NINJ2: variants seen among roughly 807,000 people sequenced by gnomAD.
NINJ2 encodes the protein ninjurin-2.
A neutral mutation model predicts 11.7 loss-of-function variants in NINJ2; 12 were observed. That is an observed-to-expected ratio of 1.02 (90% CI 0.66 to 1.66). The LOEUF (loss-of-function observed/expected upper bound fraction) is 1.66. Among genes scored for constraint, NINJ2 ranks in the 40% most tolerant of loss-of-function variants. The pLI is 0.00. For synonymous variants in NINJ2, 93 were observed against 76.8 expected, an observed-to-expected ratio of 1.21 and a Z score of -1.10; for missense variants, 187 against 181.8, an observed-to-expected ratio of 1.03 and a Z score of -0.16.
At chr12:579,511 A>C (rs941766967) in intron 1 of NINJ2, among the ~76,000 whole-genome samples, 2 of 59,948 alleles carry the variant, frequency 3.3e-5, no homozygotes, top group African/African-American at 1.0e-4. Flanking sequence ...AAAACAAAAC[A>C]AACAAAACAA....
At chr12:595,152 A>C (rs1052629815) in intron 1 of NINJ2, among the ~76,000 whole-genome samples, 1 of 152,046 alleles carries the variant, frequency 6.6e-6, no homozygotes, top group African/African-American at 2.4e-5. Flanking sequence ...AAAAAAAAAG[A>C]ATCTAGACAC....
chr12:658,062 G>C (rs1042703529), intron 1 of NINJ2, among the ~76,000 whole-genome samples: 1 of 136,580 alleles, frequency 7.3e-6, no homozygotes, highest in Non-Finnish European at 1.5e-5. Flanking sequence ...GCAGTGGTGC[G>C]ATCTCAGCTG....
rs538999561 is a variant in NINJ2, at chr12:601,373, C to T, written c.34-35195G>A. Reference sequence around the variant, plus strand: ...CATCCTGGCTAACACAGTGAAACCCCGTCTCTACTAAAAATACAAAAAAAA... The same window carrying T: ...CATCCTGGCTAACACAGTGAAACCCTGTCTCTACTAAAAATACAAAAAAAA... On this transcript the variant is annotated intron_variant, in intron 1 of 3. Transcript: ENST00000305108. Among the ~76,000 whole-genome samples, 343 of 151,394 alleles carry T rather than the reference C, an allele frequency of 2.3e-3. 2 individuals carry two copies. Among genetic ancestry groups the T allele is most frequent in the Non-Finnish European group, 2.7e-3 (186 of 67,858 alleles).
At chr12:568,319 C>A (rs1352152381) in intron 1 of NINJ2, among the ~76,000 whole-genome samples, 1 of 152,194 alleles carries the variant, frequency 6.6e-6, no homozygotes, top group Non-Finnish European at 1.5e-5. Context: ...TTGGACCAAT[C>A]CTCTCCTAGG....
chr12:631,897 C>T (rs566694492), intron 1 of NINJ2, among the ~76,000 whole-genome samples: 14 of 152,268 alleles, frequency 9.2e-5, no homozygotes, highest in African/African-American at 3.4e-4. Context: ...TTCTGCAATG[C>T]TCCTTAGGGG....
Position 594,516 on chromosome 12 carries a change from T to C in NINJ2, c.34-28338A>G, listed in dbSNP as rs180779419. 3.4e-3 allele frequency among the ~76,000 whole-genome samples: 523 copies of C among 152,304 alleles called. 9 individuals are homozygous for C. Among genetic ancestry groups the C allele is most frequent in the Non-Finnish European group, 1.2e-3 (79 of 68,028 alleles). On this transcript the variant is annotated intron_variant, in intron 1 of 3. Coordinates refer to ENST00000305108, the MANE Select transcript of NINJ2 (RefSeq NM_016533.6). ...GAAACCAAAGAACTGGGCCAGGTGC[T>C]GTGGCTCATGACTGTAATTCCAACA...
intron 1 of NINJ2, among the ~76,000 whole-genome samples, chr12:576,070 T>A (rs1231052313): frequency 6.6e-6 from 1 of 152,210 alleles, no homozygotes; most frequent in East Asian, 1.9e-4. Context: ...CAACAGTCTC[T>A]AATCCACGTC....
At chr12:616,325 G>T (rs2120359573) in intron 1 of NINJ2, among the ~76,000 whole-genome samples, 1 of 152,348 alleles carries the variant, frequency 6.6e-6, no homozygotes, top group South Asian at 2.1e-4. Flanking sequence ...GTTGTGTCCT[G>T]TAAGTTACTA....
rs1338980721 is a variant in NINJ2 at position 581,288 on chromosome 12, G to A, written c.34-15110C>T. On this transcript the variant is annotated intron_variant, in intron 1 of 3. Transcript: ENST00000305108. The surrounding 1 kb of genome is among the most constrained non-coding windows in gnomAD (Gnocchi z 4.9). ...GATGAGACAGGCTACAGACAAGGCA[G>A]GGATACTGGTGCATTATCCGGAGGG... is the stretch of plus-strand genomic sequence containing the variant. Among the ~76,000 whole-genome samples the A allele has an allele frequency of 6.6e-6, 1 of 152,168 alleles. No individual in the cohort carries two copies. The highest frequency in any genetic ancestry group is 1.5e-5 in the Non-Finnish European group (1 of 68,030).
intron 1 of NINJ2, chr12:590,532 C>T (rs1947703947): frequency 6.6e-6 from 1 of 152,282 alleles, no homozygotes; most frequent in Admixed American, 6.5e-5. Flanking sequence ...TTTCCAGGAA[C>T]GTGGCTCTTG....
chr12:597,872 G>T (rs753279907), intron 1 of NINJ2, among the ~76,000 whole-genome samples: 1 of 152,248 alleles, frequency 6.6e-6, no homozygotes, highest in Non-Finnish European at 1.5e-5. Context: ...GGAATGCTGG[G>T]CTATTACAGG....
chr12:634,147 T>C (rs1306725583), intron 1 of NINJ2, among the ~76,000 whole-genome samples: 3 of 152,078 alleles, frequency 2.0e-5, no homozygotes, highest in Non-Finnish European at 4.4e-5. Flanking sequence ...AAGTCACGCC[T>C]TGATATATAT....
At chr12:615,443 C>T (rs1948080681) in intron 1 of NINJ2, among the ~76,000 whole-genome samples, 1 of 152,136 alleles carries the variant, frequency 6.6e-6, no homozygotes, top group Non-Finnish European at 1.5e-5. Context: ...AAAAAATTAG[C>T]CGGGCGTAGT....
In NINJ2 at chr12:580,480, C is replaced by T. The variant is rs779228426; in HGVS notation, c.34-14302G>A. On this transcript the variant is annotated intron_variant, in intron 1 of 3. Coordinates refer to ENST00000305108, the MANE Select transcript of NINJ2 (RefSeq NM_016533.6). The surrounding 1 kb of genome is among the most constrained non-coding windows in gnomAD (Gnocchi z 4.7). Reference sequence around the variant, plus strand: ...GTGCACGCCTATAATTCCAGCTACTCGGGAGGCTGAGGCAGGAGAATCACT... The same window carrying T: ...GTGCACGCCTATAATTCCAGCTACTTGGGAGGCTGAGGCAGGAGAATCACT... Among the ~76,000 whole-genome samples the T allele has an allele frequency of 1.3e-4, 19 of 151,674 alleles. No individual in the cohort carries two copies. Among genetic ancestry groups the T allele is most frequent in the Non-Finnish European group, 2.2e-4 (15 of 67,956 alleles).
chr12:634,445 G>C (rs142727314), intron 1 of NINJ2, among the ~76,000 whole-genome samples: 1 of 151,766 alleles, frequency 6.6e-6, no homozygotes, highest in Non-Finnish European at 1.5e-5. Context: ...ATTTTTAGTA[G>C]AGACGGAATT....
rs1555166031 is a variant in NINJ2, at chr12:628,227, A to G, written c.33+35101T>C. ...AGCCTCTGGCAGGCCTCTGTGTCAC[A>G]CCTTTCCACCAGGGAAAACTGGGTG... On this transcript the variant is annotated intron_variant, in intron 1 of 3. Coordinates refer to ENST00000305108, the MANE Select transcript of NINJ2 (RefSeq NM_016533.6). The surrounding 1 kb of genome is among the most constrained non-coding windows in gnomAD (Gnocchi z 4.4). Among the ~76,000 whole-genome samples the G allele has an allele frequency of 6.6e-6, 1 of 152,030 alleles. No individual in the cohort carries two copies. Among genetic ancestry groups the G allele is most frequent in the Non-Finnish European group, 1.5e-5 (1 of 67,986 alleles).
intron 1 of NINJ2, among the ~76,000 whole-genome samples, chr12:605,457 G>A (rs1466497574): frequency 2.0e-5 from 3 of 152,266 alleles, no homozygotes; most frequent in Non-Finnish European, 4.4e-5. Context: ...CTATTTGGGA[G>A]GCTGAGGCCG....
chr12:590,503 GA>G (rs1283469933), intron 1 of NINJ2: 9 of 152,260 alleles, frequency 5.9e-5, no homozygotes, highest in African/African-American at 2.2e-4. Flanking sequence ...GCCCCAATAG[GA>G]CTCAGTTGAT....
chr12:621,292 T>A lies in NINJ2; in HGVS notation c.33+42036A>T, dbSNP rs1475129661. ...GAGAGATGCCATCTCTATAAAAAAA[T>A]TTAAAAAAAAAATTAGCCAGGCATG... On this transcript the variant is annotated intron_variant, in intron 1 of 3. Transcript: ENST00000305108. Among the ~76,000 whole-genome samples the A allele has an allele frequency of 5.3e-5, 8 of 149,672 alleles. 1 individual carries two copies. The highest frequency in any genetic ancestry group is 4.2e-4 in the South Asian group (2 of 4,724).
Sources: allele counts gnomAD v4.1 joint callset (sites outside exome capture counted in the v4.1 genomes callset), GRCh38; gene constraint gnomAD v4.1.1; non-coding constraint Gnocchi (gnomAD v3.1); transcripts MANE v1.5; gene names NCBI Gene and HGNC (gene_info 2026-07-23, HGNC 2026-07-21).